SLC35F4: variants seen among roughly 807,000 people sequenced by gnomAD.
SLC35F4 encodes solute carrier family 35 member F4.
In SLC35F4, 24 loss-of-function variants were observed where a neutral mutation model predicts 44.2. The ratio of observed to expected loss-of-function variants is 0.54; its 90% CI spans 0.39 to 0.76. The LOEUF (loss-of-function observed/expected upper bound fraction) is 0.76, where lower values mean the gene tolerates loss of function less well. Among genes scored for constraint, SLC35F4 ranks in the 30% least tolerant of loss-of-function variants. The pLI, the probability that SLC35F4 is intolerant of heterozygous loss-of-function variation, is 0.00. For synonymous variants in SLC35F4, 238 were observed against 223.6 expected (o/e 1.06, Z -0.57); for missense variants, 562 against 586.1 (o/e 0.96, Z 0.42).
chr14:57,769,259 T>G (rs953559084), intron 1 of SLC35F4, among the ~76,000 whole-genome samples: 1 of 152,090 alleles, frequency 6.6e-6, no homozygotes, highest in Non-Finnish European at 1.5e-5. Context: ...AGAACAGCCA[T>G]GGGCTCAACT....
intron 1 of SLC35F4, among the ~76,000 whole-genome samples, chr14:57,900,512 C>T (rs8011537): frequency 0.28 from 42,169 of 152,084 alleles, 6,887 homozygotes; most frequent in East Asian, 0.49. Context: ...AAGAGAGACT[C>T]CATATTGGGA....
chr14:57,712,627 A>G (rs891646342), intron 1 of SLC35F4, among the ~76,000 whole-genome samples: 2 of 152,232 alleles, frequency 1.3e-5, no homozygotes, highest in Non-Finnish European at 2.9e-5. Flanking sequence ...TTTATACCCC[A>G]CAGTTAATTA....
chr14:57,931,066 A>G (rs1249502647), intron 1 of SLC35F4, among the ~76,000 whole-genome samples: 1 of 152,198 alleles, frequency 6.6e-6, no homozygotes, highest in Non-Finnish European at 1.5e-5. Flanking sequence ...ATCCCTTGAA[A>G]TCAACTGTTT....
intron 3 of SLC35F4, among the ~76,000 whole-genome samples, chr14:57,583,544 G>C (rs563106198): frequency 2.6e-5 from 4 of 152,272 alleles, no homozygotes; most frequent in East Asian, 1.9e-4. Context: ...AATCCCACAG[G>C]GAAGACCAAC....
chr14:57,584,871 T>C (rs994636556), intron 3 of SLC35F4, among the ~76,000 whole-genome samples: 1 of 152,186 alleles, frequency 6.6e-6, no homozygotes, highest in African/African-American at 2.4e-5. Context: ...CATGGAAGCA[T>C]TCAAGTAGAA....
chr14:57,703,562 G>A (rs767295460), intron 1 of SLC35F4, among the ~76,000 whole-genome samples: 3 of 152,156 alleles, frequency 2.0e-5, no homozygotes, highest in African/African-American at 7.2e-5. Flanking sequence ...TTATGAACAG[G>A]GCTAAGCCAA....
At chr14:57,879,516 C>T (rs764321479) in intron 1 of SLC35F4, among the ~76,000 whole-genome samples, 6 of 152,154 alleles carry the variant, frequency 3.9e-5, no homozygotes, top group Non-Finnish European at 7.4e-5. Context: ...TCCAACCATA[C>T]GCTTCAGCCA....
At chr14:57,778,096 C>T (rs1163194466) in intron 1 of SLC35F4, among the ~76,000 whole-genome samples, 2 of 152,254 alleles carry the variant, frequency 1.3e-5, no homozygotes, top group Middle Eastern at 6.8e-3. Context: ...GTAAATGAGT[C>T]TAACAAGATC....
chr14:57,921,317 A>C (rs1025154515), intron 1 of SLC35F4, among the ~76,000 whole-genome samples: 1 of 152,214 alleles, frequency 6.6e-6, no homozygotes, highest in Non-Finnish European at 1.5e-5. Flanking sequence ...GTATCAAGAC[A>C]CTGGAAGTCA....
intron 1 of SLC35F4, among the ~76,000 whole-genome samples, chr14:57,636,494 TCTTTA>T (rs1034698567): frequency 1.3e-5 from 2 of 152,102 alleles, no homozygotes; most frequent in African/African-American, 4.8e-5. Context: ...GTTACTATTA[TCTTTA>T]CTTAACAGGT....
intron 1 of SLC35F4, among the ~76,000 whole-genome samples, chr14:57,664,895 G>A (rs150941772): frequency 6.6e-6 from 1 of 152,202 alleles, no homozygotes; most frequent in East Asian, 1.9e-4. Flanking sequence ...AAACCCTTAG[G>A]TTTGAAAACA....
chr14:57,637,112 T>C (rs953595502), intron 1 of SLC35F4, among the ~76,000 whole-genome samples: 3 of 152,128 alleles, frequency 2.0e-5, no homozygotes, highest in Admixed American at 1.3e-4. Flanking sequence ...CTCAGAGCAA[T>C]TGATCTTAAT....
intron 1 of SLC35F4, among the ~76,000 whole-genome samples, chr14:57,638,739 A>G (rs1020482064): frequency 6.6e-6 from 1 of 152,106 alleles, no homozygotes; most frequent in Non-Finnish European, 1.5e-5. Context: ...GGTGGCGGGA[A>G]CAGATGTTAC....
chr14:57,932,976 TC>T (rs1278416713), intron 1 of SLC35F4, among the ~76,000 whole-genome samples: 8 of 151,740 alleles, frequency 5.3e-5, no homozygotes, highest in African/African-American at 1.9e-4. Context: ...AAAATATCAT[TC>T]CCCCATTTTC....
At chr14:57,917,911 C>T (rs762596906) in intron 1 of SLC35F4, among the ~76,000 whole-genome samples, 1 of 152,288 alleles carries the variant, frequency 6.6e-6, no homozygotes. Flanking sequence ...CAGTCCCCCA[C>T]ACACATCCCC....
Position 57,569,955 on chromosome 14 carries a change from C to G in SLC35F4, c.959G>C (p.Ser320Thr), listed in dbSNP as rs757912279. The part of the protein sequence containing the change: ...YKVLFKMFLG[S>T]ANFGEAAHFV... ...GTGTGCAGCTTCCCCAAAGTTGGCA[C>G]TTCCAAGAAACATTTTAAACAAGAC... Residue 320 changes from serine to threonine, a missense_variant, in exon 6 of 8, where the codon AGT becomes ACT. Transcript: ENST00000556826. The G allele has an allele frequency of 2.5e-6, 4 of 1,608,332 alleles. No homozygotes were observed. The South Asian group carries it at 4.5e-5, about 18-fold the overall frequency.
rs558011954 is a variant in SLC35F4 at position 57,583,361 on chromosome 14, T to A, written c.588-1928A>T. ...GTGGGTTTATCCCATCATTTACAACTACTGATTGCCTTTTAAAATATGAAC... is the reference window on the plus strand; with the variant it reads ...GTGGGTTTATCCCATCATTTACAACAACTGATTGCCTTTTAAAATATGAAC... On this transcript the variant is annotated intron_variant, in intron 3 of 7. Coordinates refer to ENST00000556826, the MANE Select transcript of SLC35F4 (RefSeq NM_001306087.2). 9.1e-5 allele frequency among the ~76,000 whole-genome samples: 8 copies of A among 87,498 alleles called. No individual in the cohort carries two copies. The South Asian group carries it at 3.1e-3, about 34-fold the overall frequency. 57.4% of individuals were successfully genotyped at this position (87,498 alleles called of 152,430 possible). A position where few individuals can be genotyped will look rare whatever the true frequency, so the allele number is the denominator to read the frequency against.
At chr14:57,788,979 G>T (rs145909234) in intron 1 of SLC35F4, among the ~76,000 whole-genome samples, 64 of 152,230 alleles carry the variant, frequency 4.2e-4, no homozygotes, top group African/African-American at 1.4e-3. Flanking sequence ...CAAAGATAAA[G>T]TGTACCAGAA....
rs373957669 is a variant in SLC35F4 at position 57,783,933 on chromosome 14, T to C, written c.103+81790A>G. On this transcript the variant is annotated intron_variant, in intron 1 of 7. Transcript: ENST00000556826. ...ATAATAAAAATCTAGGATTACATTA[T>C]AGAAGATGCTGTCGTTGATATAGAA... is the stretch of plus-strand genomic sequence containing the variant. Among the ~76,000 whole-genome samples the C allele has an allele frequency of 2.6e-5, 4 of 152,204 alleles. No homozygotes were observed. In the East Asian group the frequency reaches 5.8e-4, roughly 22 times the overall value.
Sources: gnomAD v4.1 joint callset for allele counts (sites outside exome capture counted in the v4.1 genomes callset) on GRCh38, gnomAD v4.1.1 for gene constraint, MANE v1.5 for transcripts, NCBI Gene and HGNC (gene_info 2026-07-23, HGNC 2026-07-21) for gene names.